Variants in TENM3 observed in about 807,000 individuals in gnomAD.
TENM3 encodes the protein teneurin transmembrane protein 3.
TENM3 carries 63 observed loss-of-function variants against 255.1 expected under a neutral mutation model. The ratio of observed to expected loss-of-function variants is 0.25; its 90% CI spans 0.20 to 0.30. The LOEUF (loss-of-function observed/expected upper bound fraction) is 0.30. Among genes scored for constraint, TENM3 ranks in the 10% least tolerant of loss-of-function variants. TENM3 has a pLI of 1.00. For missense variants in TENM3, 2,929 were observed against 3,461.1 expected, an observed-to-expected ratio of 0.85 and a Z score of 3.86; for synonymous variants, 1,306 against 1,322.3, an observed-to-expected ratio of 0.99 and a Z score of 0.27.
chr4:182,738,359 C>T, intron 17 of TENM3, 42 bp from the exon 18 acceptor site: 1 of 1,522,252 alleles, frequency 6.6e-7, no homozygotes, highest in African/African-American at 1.4e-5. Context: ...TGCATTTCCC[C>T]CAGTCGTTGG....
chr4:181,616,354 C>CAT, the TENM3 span, among the ~76,000 whole-genome samples: 1,107 of 132,732 alleles, frequency 8.3e-3, 12 homozygotes, highest in African/African-American at 0.029. Flanking sequence ...CACACGTATG[C>CAT]ATATATATCA....
chr4:182,219,915 T>G (rs1009366767), intron 1 of TENM3, among the ~76,000 whole-genome samples: 2 of 152,250 alleles, frequency 1.3e-5, no homozygotes, highest in Non-Finnish European at 2.9e-5. Context: ...AAGATTGTAC[T>G]TAAAGCTGAA....
chr4:182,491,180 G>A (rs1362203437), intron 3 of TENM3, among the ~76,000 whole-genome samples: 2 of 152,062 alleles, frequency 1.3e-5, no homozygotes, highest in South Asian at 2.1e-4. Flanking sequence ...TAAAGTAAAC[G>A]TTAAGGCAAA....
the TENM3 span, among the ~76,000 whole-genome samples, chr4:182,065,091 G>A: frequency 1.3e-5 from 2 of 148,508 alleles, no homozygotes; most frequent in Admixed American, 1.3e-4. Flanking sequence ...CTGGAGTGCA[G>A]TGGTGCAATC....
intron 4 of TENM3, among the ~76,000 whole-genome samples, chr4:182,612,401 C>CGAGT (rs1749095093): frequency 6.6e-6 from 1 of 152,140 alleles, no homozygotes; most frequent in Non-Finnish European, 1.5e-5. Flanking sequence ...ACTGTCAACT[C>CGAGT]CTCTTCTCCT....
the TENM3 span, among the ~76,000 whole-genome samples, chr4:181,563,366 G>T: frequency 4.6e-5 from 7 of 152,282 alleles, no homozygotes; most frequent in East Asian, 1.4e-3. Context: ...CTGTGCCCAA[G>T]TTTCCCCTTT....
chr4:182,580,697 G>A (rs561616303), intron 3 of TENM3, among the ~76,000 whole-genome samples: 53 of 152,180 alleles, frequency 3.5e-4, no homozygotes, highest in Non-Finnish European at 6.6e-4. Flanking sequence ...TAGCCCCTTT[G>A]ATGAACTTAC....
At chr4:181,721,564 C>T in the TENM3 span, among the ~76,000 whole-genome samples, 1 of 36,222 alleles carries the variant, frequency 2.8e-5, no homozygotes, top group African/African-American at 7.6e-5. Context: ...CGCGCCACTG[C>T]ACTCCAGCCT....
chr4:182,415,215 A>T (rs1021688907), intron 3 of TENM3, among the ~76,000 whole-genome samples: 2 of 152,216 alleles, frequency 1.3e-5, no homozygotes, highest in African/African-American at 4.8e-5. Flanking sequence ...GCGGTTTTCA[A>T]GCCTCATGGC....
the TENM3 span, among the ~76,000 whole-genome samples, chr4:182,036,946 G>A: frequency 6.6e-6 from 1 of 152,064 alleles, no homozygotes; most frequent in Admixed American, 6.5e-5. Context: ...ATTTCATGGT[G>A]TGTTGAAAAC....
intron 3 of TENM3, among the ~76,000 whole-genome samples, chr4:182,381,204 A>T (rs973686947): frequency 6.6e-6 from 1 of 152,212 alleles, no homozygotes; most frequent in Non-Finnish European, 1.5e-5. Flanking sequence ...CGACAGGGGG[A>T]AGTCACAGAA....
chr4:181,683,727 G>A, the TENM3 span, among the ~76,000 whole-genome samples: 1 of 152,184 alleles, frequency 6.6e-6, no homozygotes, highest in Non-Finnish European at 1.5e-5. Flanking sequence ...AACCGTGGCT[G>A]CAGGAATGGA....
the TENM3 span, among the ~76,000 whole-genome samples, chr4:182,019,928 G>C: frequency 1.3e-5 from 2 of 152,056 alleles, no homozygotes; most frequent in Admixed American, 6.6e-5. Flanking sequence ...GCCTGCCTCA[G>C]CCTCCCAAAG....
the TENM3 span, among the ~76,000 whole-genome samples, chr4:181,891,681 C>T: frequency 6.6e-6 from 1 of 152,174 alleles, no homozygotes; most frequent in South Asian, 2.1e-4. Context: ...GCAGTTTCAG[C>T]CCATGCCTTT....
chr4:182,682,605 A>C (rs1756259981), intron 11 of TENM3, among the ~76,000 whole-genome samples: 1 of 152,220 alleles, frequency 6.6e-6, no homozygotes, highest in Non-Finnish European at 1.5e-5. Flanking sequence ...GACTTAACAA[A>C]TCGTGTCTGC....
At position 182,779,794 on chromosome 4, in the gene TENM3, T is replaced by A. The variant is rs544311469; in HGVS notation, c.5304+4641T>A. ...TATCTCATTGTGGTTTTGATGTGCA[T>A]TTCTCTGATGTCCAGTGATGATGAG... On this transcript the variant is annotated intron_variant, in intron 24 of 27. Coordinates refer to ENST00000511685, the MANE Select transcript of TENM3 (RefSeq NM_001080477.4). Among the ~76,000 whole-genome samples, 239 of 152,366 alleles carry A rather than the reference T, an allele frequency of 1.6e-3. 2 individuals carry two copies. The highest frequency in any genetic ancestry group is 5.5e-3 in the African/African-American group (230 of 41,588).
intron 3 of TENM3, among the ~76,000 whole-genome samples, chr4:182,587,490 A>T (rs1746148008): frequency 6.6e-6 from 1 of 152,170 alleles, no homozygotes; most frequent in African/African-American, 2.4e-5. Flanking sequence ...GAGGCAAGAG[A>T]ATTGCTTGAA....
chr4:181,704,157 C>T, the TENM3 span, among the ~76,000 whole-genome samples: 4 of 152,202 alleles, frequency 2.6e-5, no homozygotes, highest in South Asian at 8.3e-4. Flanking sequence ...CATAGCCCAT[C>T]CTCTTTAAGC....
intron 1 of TENM3, among the ~76,000 whole-genome samples, chr4:182,311,303 G>A (rs753411518): frequency 3.9e-5 from 6 of 152,274 alleles, no homozygotes; most frequent in Non-Finnish European, 8.8e-5. Context: ...CCCCAAAGCT[G>A]TGATCTCTGC....
Sources: allele counts gnomAD v4.1 joint callset (sites outside exome capture counted in the v4.1 genomes callset), GRCh38; gene constraint gnomAD v4.1.1; transcripts MANE v1.5; gene names NCBI Gene and HGNC (gene_info 2026-07-23, HGNC 2026-07-21).